EXOC6B: variants seen among roughly 807,000 people sequenced by gnomAD.
The protein encoded by EXOC6B is exocyst complex component 6B.
EXOC6B carries 54 observed loss-of-function variants against 113.5 expected under a neutral mutation model. That is an observed-to-expected ratio of 0.48 (90% CI 0.38 to 0.60). EXOC6B has a LOEUF of 0.60. Ranked by LOEUF, EXOC6B falls within the 20% of genes least tolerant of loss-of-function variation. The pLI, the probability that EXOC6B is intolerant of heterozygous loss-of-function variation, is 0.00. For synonymous variants in EXOC6B, 357 were observed against 339.0 expected (o/e 1.05, Z -0.58); for missense variants, 797 against 977.5 (o/e 0.82, Z 2.46).
At chr2:72,374,711 A>T (rs1691244871) in intron 19 of EXOC6B, among the ~76,000 whole-genome samples, 2 of 151,696 alleles carry the variant, frequency 1.3e-5, no homozygotes, top group Admixed American at 6.6e-5. Flanking sequence ...CACAAATGAT[A>T]AATGCTTAAG....
At chr2:72,761,288 C>A (rs1356193543) in intron 1 of EXOC6B, among the ~76,000 whole-genome samples, 1 of 152,164 alleles carries the variant, frequency 6.6e-6, no homozygotes. Context: ...GGCTGTATAA[C>A]TTCTTTAGAG....
intron 20 of EXOC6B, among the ~76,000 whole-genome samples, chr2:72,275,540 G>A (rs572311118): frequency 6.6e-6 from 1 of 152,254 alleles, no homozygotes; most frequent in South Asian, 2.1e-4. Flanking sequence ...TTTAACCAAT[G>A]TTATGCTTCA....
chr2:72,706,575 A>G (rs1678895030), intron 6 of EXOC6B, among the ~76,000 whole-genome samples: 1 of 151,972 alleles, frequency 6.6e-6, no homozygotes, highest in African/African-American at 2.4e-5. Flanking sequence ...GGGTCTCACT[A>G]TGTTGTCCAG....
At chr2:72,673,410 G>A (rs1193642509) in intron 6 of EXOC6B, among the ~76,000 whole-genome samples, 1 of 152,198 alleles carries the variant, frequency 6.6e-6, no homozygotes, top group African/African-American at 2.4e-5. Flanking sequence ...GCTAGCCAGA[G>A]TATCCCATTC....
intron 17 of EXOC6B, among the ~76,000 whole-genome samples, chr2:72,473,543 A>T (rs1698536906): frequency 6.6e-6 from 1 of 151,512 alleles, no homozygotes; most frequent in Non-Finnish European, 1.5e-5. Flanking sequence ...CTATCCCTTT[A>T]TTTTCAGTTC....
chr2:72,549,720 G>C (rs1465591386), intron 8 of EXOC6B, among the ~76,000 whole-genome samples: 1 of 152,072 alleles, frequency 6.6e-6, no homozygotes, highest in Admixed American at 6.5e-5. Flanking sequence ...AAGTCATTAG[G>C]GTTCCAAATC....
chr2:72,679,480 G>A (rs115375021), intron 6 of EXOC6B, among the ~76,000 whole-genome samples: 47 of 152,306 alleles, frequency 3.1e-4, no homozygotes, highest in Non-Finnish European at 4.9e-4. Context: ...CCAAAGAAAT[G>A]TGGGTTTCTT....
rs943136315 is a variant in EXOC6B, at chr2:72,304,951, A to G, written c.2196+29996T>C. Among the ~76,000 whole-genome samples, 6 of 152,284 alleles carry G rather than the reference A, an allele frequency of 3.9e-5. No homozygotes were observed. In the East Asian group the frequency reaches 5.8e-4, roughly 15 times the overall value. ...TAGGAGTCCAGAAGCTGCTGGTACA[A>G]GTATTGGGAGCAGACATATCATACA... is the stretch of plus-strand genomic sequence containing the variant. On this transcript the variant is annotated intron_variant, in intron 20 of 21. Transcript: ENST00000272427.
At chr2:72,409,900 A>C (rs1199548022) in intron 18 of EXOC6B, among the ~76,000 whole-genome samples, 1 of 152,138 alleles carries the variant, frequency 6.6e-6, no homozygotes, top group Non-Finnish European at 1.5e-5. Context: ...AATAAAAAAA[A>C]CTTAAAAATA....
At chr2:72,467,192 G>A (rs1157160324) in intron 17 of EXOC6B, among the ~76,000 whole-genome samples, 6 of 152,232 alleles carry the variant, frequency 3.9e-5, no homozygotes, top group Middle Eastern at 3.4e-3. Flanking sequence ...GTATAGTATT[G>A]CATTCTGTAT....
chr2:72,599,618 A>T (rs1277981195), intron 6 of EXOC6B, among the ~76,000 whole-genome samples: 1 of 152,106 alleles, frequency 6.6e-6, no homozygotes, highest in African/African-American at 2.4e-5. Flanking sequence ...TTTGCCAACC[A>T]CATGATTGTC....
chr2:72,420,847 C>G (rs1694829323), intron 18 of EXOC6B, among the ~76,000 whole-genome samples: 1 of 152,130 alleles, frequency 6.6e-6, no homozygotes. Flanking sequence ...ATTTACACTC[C>G]CACCAACAAC....
chr2:72,306,268 CTGAGTTCTAGAGAGTTAGG>C (rs1240883783), intron 20 of EXOC6B, among the ~76,000 whole-genome samples: 1 of 152,122 alleles, frequency 6.6e-6, no homozygotes, highest in Non-Finnish European at 1.5e-5. Flanking sequence ...GTTTCTGAAA[CTGAGTTCTAGAGAGTTAGG>C]TGACTTTACC....
chr2:72,357,536 C>A (rs761526811), intron 19 of EXOC6B, among the ~76,000 whole-genome samples: 73 of 151,902 alleles, frequency 4.8e-4, no homozygotes, highest in Non-Finnish European at 9.4e-4. Context: ...AAAAAAAATA[C>A]AAAAATTAGC....
At chr2:72,280,545 G>T (rs1039325444) in intron 20 of EXOC6B, among the ~76,000 whole-genome samples, 1 of 152,100 alleles carries the variant, frequency 6.6e-6, no homozygotes, top group Non-Finnish European at 1.5e-5. Context: ...AAGTGTTAAA[G>T]GTGGTAATGA....
intron 1 of EXOC6B, among the ~76,000 whole-genome samples, chr2:72,805,044 G>C (rs970458383): frequency 6.6e-6 from 1 of 152,244 alleles, no homozygotes; most frequent in South Asian, 2.1e-4. Flanking sequence ...AAACCTTCTA[G>C]AATTCTGCCT....
At chr2:72,680,789 C>T (rs1676646828) in intron 6 of EXOC6B, among the ~76,000 whole-genome samples, 2 of 151,830 alleles carry the variant, frequency 1.3e-5, no homozygotes, top group South Asian at 4.2e-4. Context: ...ATTATTGTTA[C>T]CATTATTTGT....
At chr2:72,253,507 T>C (rs1036781908) in intron 20 of EXOC6B, among the ~76,000 whole-genome samples, 1 of 152,224 alleles carries the variant, frequency 6.6e-6, no homozygotes, top group Non-Finnish European at 1.5e-5. Context: ...TAGAATACTA[T>C]GCAGCCATAA....
intron 17 of EXOC6B, among the ~76,000 whole-genome samples, chr2:72,466,472 A>T (rs1698065957): frequency 1.3e-5 from 2 of 152,146 alleles, no homozygotes; most frequent in Non-Finnish European, 2.9e-5. Flanking sequence ...CTTAAATTCC[A>T]TTCTTTCCTC....
Sources: allele counts gnomAD v4.1 joint callset (sites outside exome capture counted in the v4.1 genomes callset), GRCh38; gene constraint gnomAD v4.1.1; transcripts MANE v1.5; gene names NCBI Gene and HGNC (gene_info 2026-07-23, HGNC 2026-07-21).